The following SMPD4 variants were observed in gnomAD, a reference collection of about 807,000 sequenced individuals.
SMPD4 encodes neutral sphingomyelinase 3.
In SMPD4, 58 loss-of-function variants were observed where a neutral mutation model predicts 97.8. The ratio of observed to expected loss-of-function variants is 0.59; its 90% CI spans 0.48 to 0.74. The LOEUF (loss-of-function observed/expected upper bound fraction) is 0.74. SMPD4 is among the 30% of genes least tolerant of loss of function. The probability of loss-of-function intolerance (pLI) is 0.00; values close to 1 mark genes in which losing one functional copy is unlikely to be tolerated. For synonymous variants in SMPD4, 388 were observed against 450.0 expected, an observed-to-expected ratio of 0.86 and a Z score of 1.74; for missense variants, 853 against 1,080.5, an observed-to-expected ratio of 0.79 and a Z score of 2.95.
In SMPD4 at chr2:130,157,351, G is replaced by A. The variant is rs1384955641; in HGVS notation, c.997C>T (p.Leu333=). ...TEEHVLVVRL[L]LKHLHAFANS... is the part of the protein sequence containing the mutation. ...GCAAAGGCGTGCAGGTGCTTCAGCA[G>A]CAGGCGCACCACCAACACATGCTCC... The change falls in exon 12 of 20, where the codon CTG becomes TTG. Residue 333 remains leucine, a synonymous_variant. Coordinates refer to ENST00000680298, the MANE Select transcript of SMPD4 (RefSeq NM_017951.5). The A allele has an allele frequency of 1.2e-6, 2 of 1,602,956 alleles. No individual in the cohort carries two copies. The highest frequency in any genetic ancestry group is 1.7e-5 in the Admixed American group (1 of 58,772).
chr2:130,169,482 A>C (rs185479339), intron 8 of SMPD4, among the ~76,000 whole-genome samples: 198 of 152,358 alleles, frequency 1.3e-3, no homozygotes, highest in African/African-American at 4.5e-3. Context: ...AGAAAAAAAA[A>C]CACATACAAT....
At chr2:130,153,296 C>G (rs770286654) in intron 18 of SMPD4, 23 bp downstream of exon 18, 36 of 1,613,520 alleles carry the variant, frequency 2.2e-5, no homozygotes, top group Non-Finnish European at 3.0e-5. Flanking sequence ...AGCCTGTGCG[C>G]CTCTGAGACA....
At chr2:130,172,066 G>T (rs180725242) in intron 8 of SMPD4, among the ~76,000 whole-genome samples, 180 of 152,328 alleles carry the variant, frequency 1.2e-3, no homozygotes, top group African/African-American at 4.2e-3. Context: ...CGCCTGTGGG[G>T]ACGGCTGCTC....
intron 12 of SMPD4, chr2:130,156,943 C>T: frequency 2.0e-6 from 2 of 982,178 alleles, no homozygotes; most frequent in Non-Finnish European, 3.0e-6. Flanking sequence ...GCCCACTCTG[C>T]TGGCCCTGGT....
intron 8 of SMPD4, 140 bp from the exon 9 acceptor site, chr2:130,167,730 C>A (rs1004013974): frequency 1.1e-4 from 86 of 797,320 alleles, no homozygotes; most frequent in Non-Finnish European, 1.5e-4. Flanking sequence ...TGCACACCTC[C>A]CCCCAGCCCC....
intron 10 of SMPD4, among the ~76,000 whole-genome samples, chr2:130,161,684 C>G (rs1687436127): frequency 6.6e-6 from 1 of 152,192 alleles, no homozygotes. Context: ...ACTGAGGTCA[C>G]ACTATGTGTG....
rs547889405 is a variant in SMPD4, at chr2:130,173,026, G to A, written c.346-131C>T. On this transcript the variant is annotated intron_variant, in intron 5 of 19. Transcript: ENST00000680298. ...GACCCACACACAGAACCCACCTGTGGGGACAGTGCCCTGCCTCTGAGCAGT... is the reference window on the plus strand; with the variant it reads ...GACCCACACACAGAACCCACCTGTGAGGACAGTGCCCTGCCTCTGAGCAGT... The A allele has an allele frequency of 5.4e-6, 7 of 1,307,060 alleles. No individual in the cohort carries two copies. In the African/African-American group the frequency reaches 8.9e-5, roughly 17 times the overall value. The allele number at this position is 1,307,060 out of a possible 1,614,324, so 81.0% of individuals were successfully genotyped here.
intron 18 of SMPD4, 67 bp from the exon 19 acceptor site, chr2:130,153,238 T>C: frequency 6.2e-7 from 1 of 1,612,660 alleles, no homozygotes; most frequent in Non-Finnish European, 8.5e-7. Context: ...AGGAGCCTGA[T>C]GGCCTCTGCT....
At chr2:130,155,340 C>A in intron 14 of SMPD4, 81 bp from the exon 15 acceptor site, 1 of 1,550,282 alleles carries the variant, frequency 6.5e-7, no homozygotes, top group Non-Finnish European at 8.8e-7. Flanking sequence ...CCCTAATGCC[C>A]TTGCTCACCC....
chr2:130,180,358 C>T (rs1689435001), intron 1 of SMPD4, among the ~76,000 whole-genome samples: 1 of 151,704 alleles, frequency 6.6e-6, no homozygotes. Context: ...CTGCAACCTC[C>T]GCCTCGCGGG....
chr2:130,161,631 C>G (rs751091227), intron 10 of SMPD4, among the ~76,000 whole-genome samples: 11 of 152,106 alleles, frequency 7.2e-5, no homozygotes, highest in Non-Finnish European at 1.5e-4. Context: ...CTTGGAAGGG[C>G]CCAACTCACT....
intron 1 of SMPD4, among the ~76,000 whole-genome samples, chr2:130,178,593 G>A (rs1689188109): frequency 6.6e-6 from 1 of 152,066 alleles, no homozygotes; most frequent in Non-Finnish European, 1.5e-5. Context: ...CCAGGAGTTT[G>A]AGACCAGTCT....
intron 3 of SMPD4, 108 bp from the exon 4 acceptor site, chr2:130,173,764 G>T: frequency 6.9e-7 from 1 of 1,449,952 alleles, no homozygotes; most frequent in Non-Finnish European, 9.5e-7. Flanking sequence ...GCCACTCCCT[G>T]GCTAAGACCT....
At chr2:130,156,547 G>C (rs1482081947) in intron 13 of SMPD4, 38 bp downstream of exon 13, 1 of 1,592,766 alleles carries the variant, frequency 6.3e-7, no homozygotes, top group African/African-American at 1.3e-5. Flanking sequence ...AAGGCACACA[G>C]AGGACACAGG....
At position 130,161,462 on chromosome 2, in the gene SMPD4, T is replaced by C. The variant is rs938899663; in HGVS notation, c.865-190A>G. ...GCACGGTCAGTGACAATCCAAACAATTGCAGTCCCAGCAGCCGCGGGCCAG... is the reference window on the plus strand; with the variant it reads ...GCACGGTCAGTGACAATCCAAACAACTGCAGTCCCAGCAGCCGCGGGCCAG... On this transcript the variant is annotated intron_variant, in intron 10 of 19. Coordinates refer to ENST00000680298, the MANE Select transcript of SMPD4 (RefSeq NM_017951.5). Among the ~76,000 whole-genome samples the C allele has an allele frequency of 6.3e-4, 96 of 152,118 alleles. 1 individual carries two copies. The highest frequency in any genetic ancestry group is 2.2e-3 in the African/African-American group (92 of 41,474).
At position 130,174,898 on chromosome 2, in the gene SMPD4, G is replaced by A. The variant is rs753629834; in HGVS notation, c.126+16C>T. 8.4e-6 allele frequency: 13 copies of A among 1,554,944 alleles called. No homozygotes were observed. The highest frequency in any genetic ancestry group is 1.4e-5 in the African/African-American group (1 of 73,900). On this transcript the variant is annotated intron_variant, in intron 3 of 19. Transcript: ENST00000680298. ...TATAAGACATGCTCCAAAGAGAGAC[G>A]TTAGCAGAGCTATACCTTTGCTGGA...
At chr2:130,169,149 C>T (rs1336271877) in intron 8 of SMPD4, among the ~76,000 whole-genome samples, 1 of 152,246 alleles carries the variant, frequency 6.6e-6, no homozygotes, top group African/African-American at 2.4e-5. Context: ...CTCCTCCCAA[C>T]AAAGCCCATG....
Position 130,180,628 on chromosome 2 carries a change from G to A in SMPD4, c.-46+902C>T, listed in dbSNP as rs574165776. Among the ~76,000 whole-genome samples the A allele has an allele frequency of 2.6e-5, 4 of 152,280 alleles. No homozygotes were observed. In the East Asian group the frequency reaches 7.7e-4, roughly 29 times the overall value. ...TAAAGAAAAACGCCTCAGTCCTAAG[G>A]CACTTGGTCAAGAAAACGCTGCACT... On this transcript the variant is annotated intron_variant, in intron 1 of 19. Coordinates refer to ENST00000680298, the MANE Select transcript of SMPD4 (RefSeq NM_017951.5).
At position 130,157,119 on chromosome 2, in the gene SMPD4, C is replaced by T. The variant is rs554980866; in HGVS notation, c.1097+132G>A. 2.0e-4 allele frequency: 149 copies of T among 747,148 alleles called. 2 individuals are homozygous for T. In the East Asian group the frequency reaches 3.3e-3, roughly 16 times the overall value. The allele number at this position is 747,148 out of a possible 1,614,324, so 46.3% of individuals were successfully genotyped here. Reference sequence around the variant, plus strand: ...CCTGCCTAGGCCTGGAGAGGCCTCACGTGCTCTGTGAACAGAAAGGGACTC... The same window carrying T: ...CCTGCCTAGGCCTGGAGAGGCCTCATGTGCTCTGTGAACAGAAAGGGACTC... On this transcript the variant is annotated intron_variant, in intron 12 of 19. Coordinates refer to ENST00000680298, the MANE Select transcript of SMPD4 (RefSeq NM_017951.5).
Sources: allele counts gnomAD v4.1 joint callset (sites outside exome capture counted in the v4.1 genomes callset), GRCh38; gene constraint gnomAD v4.1.1; transcripts MANE v1.5; gene names NCBI Gene and HGNC (gene_info 2026-07-23, HGNC 2026-07-21).